The following RBFOX2 variants were observed in gnomAD, a reference collection of about 807,000 sequenced individuals.
RBFOX2 encodes RNA binding protein fox-1 homolog 2.
A neutral mutation model predicts 49.1 loss-of-function variants in RBFOX2; 10 were observed. That is an observed-to-expected ratio of 0.20 (90% CI 0.13 to 0.35). The LOEUF (loss-of-function observed/expected upper bound fraction) is 0.35, where lower values mean the gene tolerates loss of function less well. Ranked by LOEUF, RBFOX2 falls within the 10% of genes least tolerant of loss-of-function variation. RBFOX2 has a pLI of 1.00. For missense variants in RBFOX2, 323 were observed against 486.9 expected (o/e 0.66, Z 3.17); for synonymous variants, 183 against 187.4 (o/e 0.98, Z 0.19).
chr22:35,926,979 A>C (rs888881329), intron 1 of RBFOX2, among the ~76,000 whole-genome samples: 1 of 152,200 alleles, frequency 6.6e-6, no homozygotes, highest in African/African-American at 2.4e-5. Flanking sequence ...CATTTTTAAG[A>C]CTTTAATCCT....
exon 5 of RBFOX2, chr22:35,768,307 T>C (rs774767894): frequency 7.4e-6 from 12 of 1,614,062 alleles, no homozygotes; most frequent in Non-Finnish European, 1.0e-5. Flanking sequence ...TCCCTGGCCC[T>C]GTCTGCATCA....
chr22:35,932,027 T>C (rs1177449615), intron 1 of RBFOX2, among the ~76,000 whole-genome samples: 1 of 152,220 alleles, frequency 6.6e-6, no homozygotes, highest in South Asian at 2.1e-4. Flanking sequence ...CATATATGTA[T>C]GTGTGTATAC....
chr22:35,879,311 C>T (rs1182722540), intron 1 of RBFOX2, among the ~76,000 whole-genome samples: 1 of 151,942 alleles, frequency 6.6e-6, no homozygotes. Context: ...GTCTTTTTTT[C>T]CTTGTCACCG....
chr22:35,938,939 GA>G (rs2053405755), upstream of RBFOX2: 1 of 1,538,948 alleles, frequency 6.5e-7, no homozygotes, highest in African/African-American at 1.4e-5. Flanking sequence ...TGAGATGAAA[GA>G]AAATGTTAGG....
chr22:35,877,751 T>C (rs1350162242), intron 1 of RBFOX2, among the ~76,000 whole-genome samples: 1 of 152,160 alleles, frequency 6.6e-6, no homozygotes, highest in African/African-American at 2.4e-5. Context: ...AAAGCACTAC[T>C]GCCTCAATAG....
intron 1 of RBFOX2, among the ~76,000 whole-genome samples, chr22:35,909,627 G>A (rs886671137): frequency 1.3e-5 from 2 of 152,162 alleles, no homozygotes; most frequent in East Asian, 1.9e-4. Flanking sequence ...CAATGTCTTC[G>A]AGAAATAAGG....
chr22:35,976,833 G>A lies in RBFOX2; in HGVS notation c.187-37936C>T, dbSNP rs1026354904. 5.9e-5 allele frequency among the ~76,000 whole-genome samples: 9 copies of A among 151,966 alleles called. No homozygotes were observed. The South Asian group carries it at 6.2e-4, about 11-fold the overall frequency. ...CAAAAAATTAGCTGGCCACAGTGGC[G>A]TGTGCCTGTAATCCCAGCTACTTGG... is the stretch of plus-strand genomic sequence containing the variant. On this transcript the variant is annotated intron_variant, in intron 1 of 13. Coordinates refer to the RBFOX2 transcript ENST00000438146.
intron 2 of RBFOX2, among the ~76,000 whole-genome samples, chr22:35,800,799 A>C (rs1021457370): frequency 6.6e-6 from 1 of 152,228 alleles, no homozygotes; most frequent in African/African-American, 2.4e-5. Context: ...TTTTTCTTTA[A>C]AAGTTTAAAA....
At chr22:36,021,804 C>T (rs942133319) in intron 1 of RBFOX2, among the ~76,000 whole-genome samples, 2 of 152,218 alleles carry the variant, frequency 1.3e-5, no homozygotes, top group African/African-American at 4.8e-5. Context: ...TTGCTACTTT[C>T]CTAACTAGAT....
At position 35,886,815 on chromosome 22, in the gene RBFOX2, G is replaced by A. The variant is rs769138624; in HGVS notation, c.-34+52032C>T. Among the ~76,000 whole-genome samples the A allele has an allele frequency of 2.3e-4, 35 of 152,152 alleles. 1 individual carries two copies. Among genetic ancestry groups the A allele is most frequent in the South Asian group, 8.3e-4 (4 of 4,832 alleles). On this transcript the variant is annotated intron_variant, in intron 1 of 13. Coordinates refer to the RBFOX2 transcript ENST00000359369. ...GATGCAGTTCATAGCTACCTGAAAC[G>A]TCTTTATGTGGTACACGACTGTACA...
chr22:35,856,296 C>G (rs931522517), intron 1 of RBFOX2, among the ~76,000 whole-genome samples: 3 of 152,106 alleles, frequency 2.0e-5, no homozygotes, highest in African/African-American at 7.2e-5. Flanking sequence ...CTTGGGATCT[C>G]AAGACTTAGC....
intron 1 of RBFOX2, among the ~76,000 whole-genome samples, chr22:35,917,260 T>C (rs1358947510): frequency 2.0e-5 from 3 of 152,192 alleles, no homozygotes; most frequent in African/African-American, 7.2e-5. Context: ...GGTCTCAGTA[T>C]GGAACTACTA....
chr22:35,956,943 CTTCT>C (rs981870272), intron 1 of RBFOX2, among the ~76,000 whole-genome samples: 5 of 152,164 alleles, frequency 3.3e-5, no homozygotes, highest in African/African-American at 1.2e-4. Context: ...TCTTTCTCCC[CTTCT>C]TTAACTGTTA....
In RBFOX2 at chr22:35,869,469, C is replaced by CAAAAAAAAA. The variant is rs35854576; in HGVS notation, c.-33-59474_-33-59466dup. 6.5e-4 allele frequency among the ~76,000 whole-genome samples: 20 copies of CAAAAAAAAA among 30,570 alleles called. 6 individuals are homozygous for CAAAAAAAAA. The highest frequency in any genetic ancestry group is 1.1e-3 in the Non-Finnish European group (17 of 15,374). The allele number at this position is 30,570 out of a possible 152,430, so 20.1% of individuals were successfully genotyped here. The stretch of plus-strand genomic sequence containing the variant: ...CCACCACACCCAGCCAACGGCTGAC[C>CAAAAAAAAA]AAAAAAAAAAAAAAAAAAAAAAAAA... On this transcript the variant is annotated intron_variant, in intron 1 of 13. Transcript: ENST00000359369.
chr22:35,850,549 C>T (rs1334298740), intron 1 of RBFOX2, among the ~76,000 whole-genome samples: 3 of 152,064 alleles, frequency 2.0e-5, no homozygotes, highest in Non-Finnish European at 2.9e-5. Flanking sequence ...GGATTAACTC[C>T]GGCTGTCTGC....
At chr22:35,920,614 T>C (rs136613) in intron 1 of RBFOX2, among the ~76,000 whole-genome samples, 125,130 of 152,156 alleles carry the variant, frequency 0.82, 52,264 homozygotes, top group African/African-American at 0.95. Context: ...TGTTTACCCA[T>C]AGTACCAAAG....
rs551028288 is a variant in RBFOX2 at position 35,945,804 on chromosome 22, A to G, written c.43-6907T>C. On this transcript the variant is annotated intron_variant, in intron 1 of 5. Transcript: ENST00000408983. ...CTTCCAAACCATAAGAGTTCAAAAT[A>G]CCTAGAGATAAGATGAAGACTTATA... 3.9e-5 allele frequency among the ~76,000 whole-genome samples: 6 copies of G among 152,242 alleles called. 1 individual carries two copies. In the South Asian group the frequency reaches 1.2e-3, roughly 32 times the overall value.
intron 1 of RBFOX2, among the ~76,000 whole-genome samples, chr22:36,001,223 ACACACACAC>A: frequency 7.7e-6 from 1 of 129,874 alleles, no homozygotes; most frequent in East Asian, 2.2e-4. Context: ...ACACACACAC[ACACACACAC>A]ACTATATGTA....
exon 1 of RBFOX2, chr22:36,028,349 G>A (rs1295109916): frequency 2.1e-6 from 3 of 1,456,562 alleles, no homozygotes; most frequent in Admixed American, 2.3e-5. Flanking sequence ...CTCCAGCTCC[G>A]ACTCCCGCTT....
Sources: allele counts gnomAD v4.1 joint callset (sites outside exome capture counted in the v4.1 genomes callset), GRCh38; gene constraint gnomAD v4.1.1; transcripts MANE v1.5; gene names NCBI Gene and HGNC (gene_info 2026-07-23, HGNC 2026-07-21).